EPB41L2: variants seen among roughly 807,000 people sequenced by gnomAD.
EPB41L2 encodes the protein band 4.1-like protein 2.
Under a neutral mutation model 113.0 loss-of-function variants are expected in EPB41L2, and 43 were observed. That is an observed-to-expected ratio of 0.38 (90% confidence interval 0.30 to 0.49). EPB41L2 has a LOEUF of 0.49. EPB41L2 is among the 20% of genes least tolerant of loss of function. EPB41L2 has a pLI of 0.95. For missense variants in EPB41L2, 1,147 were observed against 1,223.4 expected (o/e 0.94, Z 0.93); for synonymous variants, 442 against 436.7 (o/e 1.01, Z -0.15).
chr6:130,869,517 G>C, intron 15 of EPB41L2, 46 bp downstream of exon 15: 1 of 1,548,562 alleles, frequency 6.5e-7, no homozygotes, highest in East Asian at 2.3e-5. Context: ...TTCCCCATCT[G>C]AGAAGCAGCT....
chr6:130,879,941 G>C (rs1194797026), intron 13 of EPB41L2, among the ~76,000 whole-genome samples: 1 of 152,192 alleles, frequency 6.6e-6, no homozygotes, highest in Non-Finnish European at 1.5e-5. Flanking sequence ...TTGTCACTTT[G>C]AGAACTTCTA....
chr6:130,932,289 G>A (rs1246317005), intron 3 of EPB41L2, among the ~76,000 whole-genome samples: 2 of 146,712 alleles, frequency 1.4e-5, no homozygotes, highest in African/African-American at 5.1e-5. Context: ...TTCTATCCAG[G>A]AAAGTAATTT....
chr6:130,854,602 C>T (rs766127469), intron 19 of EPB41L2, among the ~76,000 whole-genome samples: 4 of 152,080 alleles, frequency 2.6e-5, no homozygotes, highest in Non-Finnish European at 5.9e-5. Flanking sequence ...CTTAGAGTGT[C>T]ACCAATTTTT....
At chr6:131,043,426 C>A (rs925154548) in intron 1 of EPB41L2, among the ~76,000 whole-genome samples, 1 of 151,800 alleles carries the variant, frequency 6.6e-6, no homozygotes, top group Admixed American at 6.6e-5. Context: ...ACAAAAAAAA[C>A]TGAACCAGAA....
At chr6:130,934,104 G>A (rs907498724) in intron 3 of EPB41L2, among the ~76,000 whole-genome samples, 2 of 152,218 alleles carry the variant, frequency 1.3e-5, no homozygotes, top group African/African-American at 4.8e-5. Context: ...TGTTGGGGGA[G>A]GAGGATGGGA....
intron 16 of EPB41L2, among the ~76,000 whole-genome samples, chr6:130,866,224 T>C (rs1783709091): frequency 6.6e-6 from 1 of 152,232 alleles, no homozygotes; most frequent in African/African-American, 2.4e-5. Flanking sequence ...CTCCTACATA[T>C]ATATAAATCC....
At chr6:131,003,243 T>G (rs1784742642) in intron 1 of EPB41L2, among the ~76,000 whole-genome samples, 1 of 152,168 alleles carries the variant, frequency 6.6e-6, no homozygotes, top group African/African-American at 2.4e-5. Context: ...TACAAAAATA[T>G]GTGTTTACTT....
At chr6:130,895,833 T>C (rs1397081969) in intron 8 of EPB41L2, among the ~76,000 whole-genome samples, 2 of 152,196 alleles carry the variant, frequency 1.3e-5, no homozygotes, top group African/African-American at 4.8e-5. Flanking sequence ...TCTAGAATAA[T>C]CACAGGCCTA....
At chr6:130,925,190 C>CTTTTTTTT (rs398048854) in intron 4 of EPB41L2, among the ~76,000 whole-genome samples, 72 of 130,408 alleles carry the variant, frequency 5.5e-4, no homozygotes, top group East Asian at 1.1e-3. Context: ...GATTTCTTTT[C>CTTTTTTTT]TTTTTTTTTT....
chr6:130,875,917 G>A (rs1787392847), intron 14 of EPB41L2, among the ~76,000 whole-genome samples: 1 of 151,640 alleles, frequency 6.6e-6, no homozygotes, highest in Non-Finnish European at 1.5e-5. Flanking sequence ...CCCAGGAGAT[G>A]GAGGTTGCAG....
intron 3 of EPB41L2, among the ~76,000 whole-genome samples, chr6:130,949,281 C>T (rs552470536): frequency 1.3e-5 from 2 of 152,154 alleles, no homozygotes; most frequent in South Asian, 4.2e-4. Flanking sequence ...TTAAATCACA[C>T]CTATAAAAAA....
At chr6:131,013,241 A>G (rs1584514439) in intron 1 of EPB41L2, among the ~76,000 whole-genome samples, 1 of 7,602 alleles carries the variant, frequency 1.3e-4, no homozygotes, top group Non-Finnish European at 2.6e-4. Flanking sequence ...TAACTAAAGA[A>G]AAAAAAAAAT....
chr6:131,009,113 GAATTGTAATA>G (rs1786301992), intron 1 of EPB41L2, among the ~76,000 whole-genome samples: 1 of 152,190 alleles, frequency 6.6e-6, no homozygotes, highest in Admixed American at 6.5e-5. Context: ...ATCTCACCTT[GAATTGTAATA>G]ATCCCTATGT....
At chr6:131,032,064 A>C (rs1324916977) in intron 1 of EPB41L2, among the ~76,000 whole-genome samples, 3 of 152,220 alleles carry the variant, frequency 2.0e-5, no homozygotes, top group African/African-American at 7.2e-5. Context: ...TACTCAAAGA[A>C]ATGCTTATCA....
At chr6:130,860,296 G>T (rs1184525656) in intron 18 of EPB41L2, among the ~76,000 whole-genome samples, 1 of 152,210 alleles carries the variant, frequency 6.6e-6, no homozygotes, top group African/African-American at 2.4e-5. Flanking sequence ...AAGAGAAAAT[G>T]TAGATGATGC....
At chr6:130,967,551 C>T (rs1775611308) in intron 1 of EPB41L2, among the ~76,000 whole-genome samples, 1 of 151,938 alleles carries the variant, frequency 6.6e-6, no homozygotes, top group African/African-American at 2.4e-5. Context: ...AAGTTGGGGA[C>T]ATTTTTTTTT....
chr6:131,051,012 G>C (rs1028691384), intron 1 of EPB41L2, among the ~76,000 whole-genome samples: 5 of 152,046 alleles, frequency 3.3e-5, no homozygotes, highest in Non-Finnish European at 5.9e-5. Context: ...AAACAAATTT[G>C]GTGAGTATGT....
chr6:130,987,241 T>C (rs1476437829), intron 1 of EPB41L2, among the ~76,000 whole-genome samples: 1 of 152,222 alleles, frequency 6.6e-6, no homozygotes. Flanking sequence ...GGGCATATAC[T>C]TATGAGCAGA....
At chr6:130,871,472 A>AC (rs1485891506) in intron 14 of EPB41L2, among the ~76,000 whole-genome samples, 1 of 152,178 alleles carries the variant, frequency 6.6e-6, no homozygotes, top group Non-Finnish European at 1.5e-5. Flanking sequence ...TACTAACTGG[A>AC]CTGGAGCCTC....
Sources: allele counts gnomAD v4.1 joint callset (sites outside exome capture counted in the v4.1 genomes callset), GRCh38; gene constraint gnomAD v4.1.1; transcripts MANE v1.5; gene names NCBI Gene and HGNC (gene_info 2026-07-23, HGNC 2026-07-21).